ATP2C2: variants seen among roughly 807,000 people sequenced by gnomAD.
The protein encoded by ATP2C2 is calcium-transporting ATPase type 2C member 2.
ATP2C2 carries 171 observed loss-of-function variants against 110.8 expected under a neutral mutation model. The ratio of observed to expected loss-of-function variants is 1.54; its 90% CI spans 1.36 to 1.75. The LOEUF (loss-of-function observed/expected upper bound fraction) is 1.75, where lower values mean the gene tolerates loss of function less well. Ranked by LOEUF, ATP2C2 falls within the 40% of genes most tolerant of loss-of-function variation. The pLI is 0.00. For synonymous variants in ATP2C2, 804 were observed against 508.4 expected (o/e 1.58, Z -7.82); for missense variants, 1,963 against 1,235.0 (o/e 1.59, Z -8.84).
At chr16:84,390,722 T>C (rs866919057) in intron 1 of ATP2C2, among the ~76,000 whole-genome samples, 29 of 152,114 alleles carry the variant, frequency 1.9e-4, no homozygotes, top group Admixed American at 3.3e-4. Flanking sequence ...CTGCACAACA[T>C]TGCAAAGGTA....
At chr16:84,436,418 C>G (rs953696617) in intron 11 of ATP2C2, among the ~76,000 whole-genome samples, 1 of 152,100 alleles carries the variant, frequency 6.6e-6, no homozygotes, top group African/African-American at 2.4e-5. Context: ...GGCAGCCTGG[C>G]CCCAGGGCCT....
chr16:84,420,951 G>A (rs191334640), intron 7 of ATP2C2, among the ~76,000 whole-genome samples: 21 of 152,170 alleles, frequency 1.4e-4, no homozygotes, highest in Non-Finnish European at 2.1e-4. Flanking sequence ...GATTACAGGC[G>A]CCTGCCCCCA....
At chr16:84,397,839 C>G (rs1905088943) in intron 1 of ATP2C2, among the ~76,000 whole-genome samples, 1 of 151,720 alleles carries the variant, frequency 6.6e-6, no homozygotes, top group African/African-American at 2.4e-5. Context: ...TTGTATAAAT[C>G]TCACTAACAA....
intron 11 of ATP2C2, among the ~76,000 whole-genome samples, chr16:84,430,466 C>T (rs1908170045): frequency 6.6e-6 from 1 of 152,058 alleles, no homozygotes; most frequent in South Asian, 2.1e-4. Context: ...CATGGTGAAA[C>T]CCCATCTGTA....
chr16:84,456,200 A>G (rs1352747901), intron 21 of ATP2C2, among the ~76,000 whole-genome samples: 36 of 132,602 alleles, frequency 2.7e-4, no homozygotes, highest in Admixed American at 5.7e-4. Flanking sequence ...TTCAGAAGGA[A>G]TGGTACCAGT....
chr16:84,420,473 T>C (rs889130350), intron 7 of ATP2C2, among the ~76,000 whole-genome samples: 11 of 41,366 alleles, frequency 2.7e-4, no homozygotes, highest in African/African-American at 1.0e-3. Flanking sequence ...CCTTTCTTTC[T>C]TTTTTTTTTT....
At chr16:84,377,790 G>A (rs1396440890) in intron 1 of ATP2C2, among the ~76,000 whole-genome samples, 1 of 152,016 alleles carries the variant, frequency 6.6e-6, no homozygotes, top group African/African-American at 2.4e-5. Context: ...TGACTTGAAA[G>A]GTATTTTTTT....
At chr16:84,393,267 C>T (rs1904767872) in intron 1 of ATP2C2, among the ~76,000 whole-genome samples, 1 of 152,164 alleles carries the variant, frequency 6.6e-6, no homozygotes, top group Non-Finnish European at 1.5e-5. Flanking sequence ...GATTAGGCCC[C>T]CGGGCCCCTA....
At chr16:84,427,267 G>A (rs982160530) in intron 11 of ATP2C2, among the ~76,000 whole-genome samples, 4 of 152,108 alleles carry the variant, frequency 2.6e-5, no homozygotes, top group Admixed American at 2.6e-4. Context: ...GCTCATTAAA[G>A]AATAAACAAC....
Position 84,439,541 on chromosome 16 carries a change from T to A in ATP2C2, c.1209+17T>A, listed in dbSNP as rs1419120828. 3.7e-6 allele frequency: 6 copies of A among 1,611,484 alleles called. No individual in the cohort carries two copies. Among genetic ancestry groups the A allele is most frequent in the Non-Finnish European group, 5.1e-6 (6 of 1,177,624 alleles). Reference sequence around the variant, plus strand: ...CGTGCCGAGGTGAGTGCCAAAGGAATTTACAAGCCTTAAGGATGCACCCAG... The same window carrying A: ...CGTGCCGAGGTGAGTGCCAAAGGAAATTACAAGCCTTAAGGATGCACCCAG... On this transcript the variant is annotated intron_variant, in intron 13 of 26. Coordinates refer to ENST00000262429, the MANE Select transcript of ATP2C2 (RefSeq NM_014861.4).
intron 15 of ATP2C2, among the ~76,000 whole-genome samples, chr16:84,443,016 G>T (rs1177035617): frequency 6.6e-6 from 1 of 152,134 alleles, no homozygotes; most frequent in Non-Finnish European, 1.5e-5. Flanking sequence ...TGAGCTCTGT[G>T]GCTGTGCAGG....
intron 1 of ATP2C2, among the ~76,000 whole-genome samples, chr16:84,398,031 A>AT: frequency 6.6e-6 from 1 of 151,832 alleles, no homozygotes; most frequent in Admixed American, 6.6e-5. Flanking sequence ...CTGTTTCTTA[A>AT]TTTGGGGGCT....
intron 1 of ATP2C2, among the ~76,000 whole-genome samples, chr16:84,387,443 C>T (rs902339504): frequency 2.6e-5 from 4 of 151,996 alleles, no homozygotes; most frequent in East Asian, 1.9e-4. Context: ...ACCAGGGAGG[C>T]GGAGGTTGCA....
At chr16:84,392,738 C>T (rs1166458147) in intron 1 of ATP2C2, among the ~76,000 whole-genome samples, 2 of 152,204 alleles carry the variant, frequency 1.3e-5, no homozygotes, top group East Asian at 1.9e-4. Flanking sequence ...GCTGGGATTA[C>T]GGGCGTGAGC....
intron 1 of ATP2C2, among the ~76,000 whole-genome samples, chr16:84,377,283 G>A (rs765597778): frequency 4.6e-5 from 7 of 152,204 alleles, no homozygotes; most frequent in African/African-American, 1.4e-4. Context: ...AGCGGGAGCT[G>A]GTGGGAGCTT....
chr16:84,443,163 C>G (rs1909424858), intron 15 of ATP2C2, among the ~76,000 whole-genome samples: 1 of 152,060 alleles, frequency 6.6e-6, no homozygotes, highest in South Asian at 2.1e-4. Context: ...AGGCAGAAAA[C>G]ATGGGCTGGG....
In ATP2C2 at chr16:84,459,307, G is replaced by A. The variant is rs759872781; in HGVS notation, c.2254G>A (p.Val752Met). 27 of 1,614,062 alleles carry A rather than the reference G, an allele frequency of 1.7e-5. 1 individual carries two copies. Among genetic ancestry groups the A allele is most frequent in the African/African-American group, 2.7e-5 (2 of 74,922 alleles). The change falls in exon 23 of 27, where the codon GTG (valine) becomes ATG (methionine). Residue 752 changes from valine to methionine, a missense_variant. By Grantham distance (21) the Val-to-Met change is conservative. Coordinates refer to ENST00000262429, the MANE Select transcript of ATP2C2 (RefSeq NM_014861.4). ...CCTGAGTCTCATCACTCTGTCCACCGTGTTCAACCTGCCCAGCCCCCTCAA... is the reference window on the plus strand; with the variant it reads ...CCTGAGTCTCATCACTCTGTCCACCATGTTCAACCTGCCCAGCCCCCTCAA... ...SALSLITLST[V>M]FNLPSPLNAM...
chr16:84,458,682 G>C (rs1301624273), intron 21 of ATP2C2, among the ~76,000 whole-genome samples: 1 of 152,216 alleles, frequency 6.6e-6, no homozygotes, highest in Non-Finnish European at 1.5e-5. Context: ...AGCAGGCGAT[G>C]TCCTTCAGCC....
At chr16:84,371,135 C>G (rs763380397) in intron 1 of ATP2C2, among the ~76,000 whole-genome samples, 2 of 152,154 alleles carry the variant, frequency 1.3e-5, no homozygotes, top group Non-Finnish European at 2.9e-5. Context: ...GAGGACCAGA[C>G]AGAGGACTGG....
Sources: gnomAD v4.1 joint callset for allele counts (sites outside exome capture counted in the v4.1 genomes callset) on GRCh38, gnomAD v4.1.1 for gene constraint, MANE v1.5 for transcripts, NCBI Gene and HGNC (gene_info 2026-07-23, HGNC 2026-07-21) for gene names.